FAM135B: variants seen among roughly 807,000 people sequenced by gnomAD.
FAM135B encodes the protein protein FAM135B.
Under a neutral mutation model 127.7 loss-of-function variants are expected in FAM135B, and 43 were observed. The ratio of observed to expected loss-of-function variants is 0.34; its 90% CI spans 0.26 to 0.43. The LOEUF (loss-of-function observed/expected upper bound fraction) is 0.43. Ranked by LOEUF, FAM135B falls within the 20% of genes least tolerant of loss-of-function variation. The pLI is 1.00. For synonymous variants in FAM135B, 670 were observed against 665.1 expected, an observed-to-expected ratio of 1.01 and a Z score of -0.11; for missense variants, 1,558 against 1,725.6, an observed-to-expected ratio of 0.90 and a Z score of 1.72.
At chr8:138,153,620 C>T (rs1358887087) in intron 12 of FAM135B, among the ~76,000 whole-genome samples, 1 of 152,184 alleles carries the variant, frequency 6.6e-6, no homozygotes, top group Non-Finnish European at 1.5e-5. Flanking sequence ...TGTTAGCAAA[C>T]GGCACACCAG....
intron 1 of FAM135B, among the ~76,000 whole-genome samples, chr8:138,466,380 C>A (rs954178804): frequency 9.2e-5 from 14 of 151,972 alleles, no homozygotes; most frequent in Non-Finnish European, 1.8e-4. Context: ...GCAAAGCAAA[C>A]CTGAAGATGA....
intron 2 of FAM135B, among the ~76,000 whole-genome samples, chr8:138,312,321 A>AT: frequency 6.6e-6 from 1 of 152,236 alleles, no homozygotes; most frequent in Middle Eastern, 3.4e-3. Context: ...ACTTTACCCT[A>AT]TTTTTCTCAC....
chr8:138,356,573 C>G (rs1300927416), intron 2 of FAM135B, among the ~76,000 whole-genome samples: 1 of 152,096 alleles, frequency 6.6e-6, no homozygotes, highest in Non-Finnish European at 1.5e-5. Flanking sequence ...ACAGTTTCAC[C>G]CAATGATGGT....
At chr8:138,359,795 C>T (rs1053558462) in intron 2 of FAM135B, among the ~76,000 whole-genome samples, 1 of 152,124 alleles carries the variant, frequency 6.6e-6, no homozygotes, top group African/African-American at 2.4e-5. Context: ...TGTCGCTGGG[C>T]ATTAGGCAGT....
At chr8:138,448,120 A>G (rs56975224) in intron 1 of FAM135B, among the ~76,000 whole-genome samples, 61,359 of 151,682 alleles carry the variant, frequency 0.4, 14,121 homozygotes, top group East Asian at 0.76. Flanking sequence ...AGAAAAAAAA[A>G]AAAAAGAAAA....
At chr8:138,228,555 T>A (rs1407255177) in intron 7 of FAM135B, among the ~76,000 whole-genome samples, 1 of 152,098 alleles carries the variant, frequency 6.6e-6, no homozygotes, top group Non-Finnish European at 1.5e-5. Flanking sequence ...TTGAGAGACA[T>A]ATGTTGGTGG....
At chr8:138,343,276 G>C (rs1321677001) in intron 2 of FAM135B, among the ~76,000 whole-genome samples, 9 of 152,206 alleles carry the variant, frequency 5.9e-5, no homozygotes, top group Admixed American at 2.0e-4. Flanking sequence ...GGGTTTCCCA[G>C]CTCTAGAGAC....
chr8:138,293,808 T>C (rs1160342925), intron 3 of FAM135B, among the ~76,000 whole-genome samples: 1 of 152,178 alleles, frequency 6.6e-6, no homozygotes, highest in Non-Finnish European at 1.5e-5. Context: ...GAATGTAAAT[T>C]AGTACAAACT....
chr8:138,380,986 C>CA (rs34383833), intron 1 of FAM135B, among the ~76,000 whole-genome samples: 33,082 of 149,964 alleles, frequency 0.22, 4,185 homozygotes, highest in East Asian at 0.53. Context: ...AACAAACAAA[C>CA]AAAAAAAAAC....
At chr8:138,491,080 G>T (rs549031632) in intron 1 of FAM135B, among the ~76,000 whole-genome samples, 2 of 150,160 alleles carry the variant, frequency 1.3e-5, no homozygotes, top group Non-Finnish European at 2.9e-5. Context: ...AGTGGAGGTT[G>T]CAGTGAGCCG....
intron 12 of FAM135B, 61 bp from the exon 13 acceptor site, chr8:138,153,277 C>T (rs1363423993): frequency 5.3e-6 from 7 of 1,328,014 alleles, no homozygotes; most frequent in Non-Finnish European, 7.1e-6. Flanking sequence ...TACAAGTTAT[C>T]CAAATGTCTA....
chr8:138,202,543 C>T (rs1479197603), intron 7 of FAM135B, among the ~76,000 whole-genome samples: 1 of 152,130 alleles, frequency 6.6e-6, no homozygotes, highest in East Asian at 1.9e-4. Flanking sequence ...TGAGCCATGC[C>T]CAATTAGTCT....
At chr8:138,196,075 T>G (rs1435421980) in intron 8 of FAM135B, among the ~76,000 whole-genome samples, 2 of 152,206 alleles carry the variant, frequency 1.3e-5, no homozygotes, top group East Asian at 3.8e-4. Flanking sequence ...ATTGATACAT[T>G]AGTCACGGCT....
chr8:138,454,050 A>T (rs1182845527), intron 1 of FAM135B, among the ~76,000 whole-genome samples: 1 of 152,132 alleles, frequency 6.6e-6, no homozygotes, highest in Non-Finnish European at 1.5e-5. Context: ...TCCCAGGACC[A>T]GGTGGGGGTC....
intron 3 of FAM135B, among the ~76,000 whole-genome samples, chr8:138,287,591 A>G (rs936788019): frequency 6.6e-6 from 1 of 152,156 alleles, no homozygotes; most frequent in Non-Finnish European, 1.5e-5. Context: ...ATCACTTGGA[A>G]AAGTCCCCAA....
chr8:138,399,851 C>A (rs570296409), intron 1 of FAM135B, among the ~76,000 whole-genome samples: 85 of 152,230 alleles, frequency 5.6e-4, no homozygotes, highest in Non-Finnish European at 1.0e-3. Flanking sequence ...CAGACCCACC[C>A]AACCCCAGCA....
chr8:138,257,883 AAT>A (rs72410813), intron 4 of FAM135B, among the ~76,000 whole-genome samples: 36,080 of 121,498 alleles, frequency 0.3, 4,496 homozygotes, highest in African/African-American at 0.43. Context: ...AAAAATAAAA[AAT>A]AAAAAAAAAA....
At chr8:138,296,497 G>C (rs1349228660) in intron 3 of FAM135B, among the ~76,000 whole-genome samples, 1 of 152,148 alleles carries the variant, frequency 6.6e-6, no homozygotes, top group Non-Finnish European at 1.5e-5. Context: ...CTGTAAAGCA[G>C]ACAAACATAA....
chr8:138,257,984 T>C (rs1444299945), intron 4 of FAM135B, among the ~76,000 whole-genome samples: 1 of 152,140 alleles, frequency 6.6e-6, no homozygotes, highest in Non-Finnish European at 1.5e-5. Context: ...TCAGATCAGG[T>C]AATTGCTGTC....
Sources: gnomAD v4.1 joint callset for allele counts (sites outside exome capture counted in the v4.1 genomes callset) on GRCh38, gnomAD v4.1.1 for gene constraint, MANE v1.5 for transcripts, NCBI Gene and HGNC (gene_info 2026-07-23, HGNC 2026-07-21) for gene names.